RASAL2: variants seen among roughly 807,000 people sequenced by gnomAD.
RASAL2 encodes RAS protein activator like 2.
In RASAL2, 58 loss-of-function variants were observed where a neutral mutation model predicts 128.9. The ratio of observed to expected loss-of-function variants is 0.45; its 90% CI spans 0.36 to 0.56. The LOEUF is 0.56. RASAL2 is among the 20% of genes least tolerant of loss of function. The pLI is 0.00. For missense variants in RASAL2, 1,360 were observed against 1,601.6 expected (o/e 0.85, Z 2.57); for synonymous variants, 561 against 580.8 (o/e 0.97, Z 0.49).
At chr1:178,182,348 A>G (rs781250775) in intron 1 of RASAL2, among the ~76,000 whole-genome samples, 2 of 152,152 alleles carry the variant, frequency 1.3e-5, no homozygotes, top group Non-Finnish European at 2.9e-5. Flanking sequence ...CAGTCCTGTA[A>G]TGAGCCATTT....
intron 17 of RASAL2, among the ~76,000 whole-genome samples, chr1:178,468,793 C>T (rs549585257): frequency 6.6e-6 from 1 of 152,222 alleles, no homozygotes; most frequent in South Asian, 2.1e-4. Flanking sequence ...TCTCACTATT[C>T]ACACTATAAA....
At chr1:178,100,439 G>A (rs57105107) in intron 1 of RASAL2, among the ~76,000 whole-genome samples, 2,174 of 151,716 alleles carry the variant, frequency 0.014, 58 homozygotes, top group African/African-American at 0.049. Context: ...CACGAGAATC[G>A]CTTGAGCCCA....
intron 3 of RASAL2, among the ~76,000 whole-genome samples, chr1:178,383,878 G>A (rs1216148666): frequency 6.6e-6 from 1 of 152,194 alleles, no homozygotes; most frequent in Non-Finnish European, 1.5e-5. Context: ...ATAGATTATA[G>A]TGAAGTGGAC....
At chr1:178,248,061 G>A (rs550745494) in intron 1 of RASAL2, among the ~76,000 whole-genome samples, 5 of 152,308 alleles carry the variant, frequency 3.3e-5, no homozygotes, top group African/African-American at 9.6e-5. Flanking sequence ...TTGGGGTGGA[G>A]AGTTCTGTAG....
At chr1:178,324,202 A>AGTG (rs1353815464) in intron 3 of RASAL2, among the ~76,000 whole-genome samples, 1 of 152,212 alleles carries the variant, frequency 6.6e-6, no homozygotes, top group African/African-American at 2.4e-5. Context: ...TCATGGAACC[A>AGTG]GTGAGATAAT....
intron 14 of RASAL2, among the ~76,000 whole-genome samples, chr1:178,463,495 G>A (rs1447094709): frequency 6.6e-6 from 1 of 152,094 alleles, no homozygotes; most frequent in Non-Finnish European, 1.5e-5. Context: ...CAAGATAGGT[G>A]GTGGTGACAG....
chr1:178,313,957 T>G (rs1668379141), intron 3 of RASAL2, among the ~76,000 whole-genome samples: 1 of 152,202 alleles, frequency 6.6e-6, no homozygotes, highest in Non-Finnish European at 1.5e-5. Context: ...ATTGGATGCT[T>G]CAGGAATGTT....
chr1:178,398,347 T>TTCA (rs759955349), intron 4 of RASAL2, among the ~76,000 whole-genome samples: 1 of 152,218 alleles, frequency 6.6e-6, no homozygotes, highest in African/African-American at 2.4e-5. Flanking sequence ...TTATATCTTG[T>TTCA]TCATGTTTGC....
At chr1:178,120,717 C>T (rs774944570) in intron 1 of RASAL2, among the ~76,000 whole-genome samples, 7 of 152,234 alleles carry the variant, frequency 4.6e-5, no homozygotes, top group Non-Finnish European at 8.8e-5. Flanking sequence ...TGCAGCCACT[C>T]ACCAGCGCTA....
chr1:178,218,975 T>G (rs1663524695), intron 1 of RASAL2, among the ~76,000 whole-genome samples: 1 of 152,250 alleles, frequency 6.6e-6, no homozygotes, highest in Non-Finnish European at 1.5e-5. Flanking sequence ...TCATCTATGT[T>G]GAAAATCTGT....
At chr1:178,229,786 T>C (rs1418657266) in intron 1 of RASAL2, among the ~76,000 whole-genome samples, 3 of 152,242 alleles carry the variant, frequency 2.0e-5, no homozygotes, top group East Asian at 3.9e-4. Context: ...CTAGATAGAG[T>C]TCAGTGTTGC....
intron 4 of RASAL2, among the ~76,000 whole-genome samples, chr1:178,420,196 T>C (rs1233227436): frequency 6.6e-6 from 1 of 152,164 alleles, no homozygotes. Flanking sequence ...TTTGTGTATG[T>C]TATATTGTTG....
At chr1:178,201,520 T>G (rs1448298201) in intron 1 of RASAL2, among the ~76,000 whole-genome samples, 2 of 152,202 alleles carry the variant, frequency 1.3e-5, no homozygotes, top group Admixed American at 6.5e-5. Context: ...TAGGGATTGC[T>G]TTTCTCTGTA....
In RASAL2 at chr1:178,457,879, C is replaced by T. The variant is rs775609231; in HGVS notation, c.2587C>T (p.His863Tyr). The T allele has an allele frequency of 3.1e-6, 5 of 1,614,198 alleles. No homozygotes were observed. In the South Asian group the frequency reaches 3.3e-5, roughly 11 times the overall value. ...LQDTHAAQVE[H>Y]ASVMLDVPIR... is the part of the protein sequence containing the mutation. ...GGACACTCATGCTGCTCAAGTGGAG[C>T]ATGCATCTGTCATGCTTGATGTGCC... The change falls in exon 14 of 18, where the codon CAT becomes TAT. Residue 863 changes from histidine (H) to tyrosine (Y), a missense_variant. By Grantham distance (83) the His-to-Tyr change is moderately conservative. Around this residue, in one of 3 missense-constraint regions of RASAL2, gnomAD observed 741 missense variants for 868.6 expected, o/e 0.85. Coordinates refer to ENST00000367649, the MANE Select transcript of RASAL2 (RefSeq NM_170692.4).
chr1:178,383,009 A>G (rs1000750667), intron 3 of RASAL2, among the ~76,000 whole-genome samples: 7 of 152,306 alleles, frequency 4.6e-5, no homozygotes, highest in Non-Finnish European at 8.8e-5. Flanking sequence ...AGTTGAAGAA[A>G]TGGAATACTT....
At chr1:178,308,315 C>A (rs1292997097) in intron 3 of RASAL2, among the ~76,000 whole-genome samples, 4 of 151,676 alleles carry the variant, frequency 2.6e-5, no homozygotes, top group African/African-American at 9.7e-5. Flanking sequence ...ACATGAAGAC[C>A]AAAAAAGGAA....
chr1:178,205,778 T>A (rs905405618), intron 1 of RASAL2, among the ~76,000 whole-genome samples: 6 of 152,078 alleles, frequency 3.9e-5, no homozygotes, highest in Admixed American at 3.3e-4. Context: ...AGACTCATGT[T>A]CACACCTCTG....
intron 4 of RASAL2, among the ~76,000 whole-genome samples, chr1:178,393,022 C>T (rs1367367311): frequency 6.6e-6 from 1 of 152,072 alleles, no homozygotes; most frequent in Non-Finnish European, 1.5e-5. Flanking sequence ...GGCTACTGAA[C>T]CTGTAGGTTA....
At chr1:178,215,958 A>G (rs1373949477) in intron 1 of RASAL2, among the ~76,000 whole-genome samples, 2 of 152,220 alleles carry the variant, frequency 1.3e-5, no homozygotes, top group South Asian at 2.1e-4. Flanking sequence ...CAAAGTAACT[A>G]AATCTATTCA....
Sources: allele counts gnomAD v4.1 joint callset (sites outside exome capture counted in the v4.1 genomes callset), GRCh38; gene constraint gnomAD v4.1.1; regional missense constraint gnomAD v4.1.1; transcripts MANE v1.5; gene names NCBI Gene and HGNC (gene_info 2026-07-23, HGNC 2026-07-21).